Variants in NDST3 observed in about 807,000 individuals in gnomAD.
NDST3 encodes the protein N-deacetylase and N-sulfotransferase 3, also known as bifunctional heparan sulfate N-deacetylase/N-sulfotransferase 3.
Under a neutral mutation model 96.1 loss-of-function variants are expected in NDST3, and 58 were observed. The ratio of observed to expected loss-of-function variants is 0.60; its 90% CI spans 0.49 to 0.75. The LOEUF (loss-of-function observed/expected upper bound fraction) is 0.75, where lower values mean the gene tolerates loss of function less well. Ranked by LOEUF, NDST3 falls within the 30% of genes least tolerant of loss-of-function variation. The pLI, the probability that NDST3 is intolerant of heterozygous loss-of-function variation, is 0.00. For synonymous variants in NDST3, 333 were observed against 359.7 expected, an observed-to-expected ratio of 0.93 and a Z score of 0.84; for missense variants, 788 against 1,034.2, an observed-to-expected ratio of 0.76 and a Z score of 3.27.
intron 2 of NDST3, among the ~76,000 whole-genome samples, chr4:118,070,216 ACT>A (rs1726935998): frequency 6.6e-6 from 1 of 152,100 alleles, no homozygotes; most frequent in South Asian, 2.1e-4. Flanking sequence ...ACCAGTTCTA[ACT>A]CTGTGAAATT....
chr4:118,122,271 T>C (rs1033492457), intron 4 of NDST3, among the ~76,000 whole-genome samples: 2 of 152,280 alleles, frequency 1.3e-5, no homozygotes, highest in Non-Finnish European at 2.9e-5. Flanking sequence ...CCATTCCTGC[T>C]GCTCCCGAAT....
At chr4:118,176,352 A>C (rs1284323430) in intron 6 of NDST3, among the ~76,000 whole-genome samples, 1 of 152,072 alleles carries the variant, frequency 6.6e-6, no homozygotes, top group Non-Finnish European at 1.5e-5. Flanking sequence ...GTTTCTTCTT[A>C]AATTACTTTG....
intron 6 of NDST3, among the ~76,000 whole-genome samples, chr4:118,183,968 G>A (rs1736766251): frequency 6.6e-6 from 1 of 152,170 alleles, no homozygotes; most frequent in African/African-American, 2.4e-5. Flanking sequence ...CAAATGCAAA[G>A]TCCTACCACT....
At chr4:118,068,843 G>T (rs971916985) in intron 2 of NDST3, among the ~76,000 whole-genome samples, 1 of 152,020 alleles carries the variant, frequency 6.6e-6, no homozygotes, top group Non-Finnish European at 1.5e-5. Flanking sequence ...GGTCACAATA[G>T]AATTAATAGT....
Position 118,233,179 on chromosome 4 carries a change from GCA to G in NDST3, c.1943+47_1943+48del, listed in dbSNP as rs3830507. 12 of 1,522,228 alleles carry G rather than the reference GCA, an allele frequency of 7.9e-6. No individual in the cohort carries two copies. In the East Asian group the frequency reaches 2.7e-4, roughly 35 times the overall value. 94.3% of individuals were successfully genotyped at this position (1,522,228 alleles called of 1,614,324 possible). A position where few individuals can be genotyped will look rare whatever the true frequency, so the allele number is the denominator to read the frequency against. ...ATAAATCTAAAAGTATATGTACTGT[GCA>G]CAGTATAAACTTAGCACTAATATTT... On this transcript the variant is annotated intron_variant, in intron 9 of 13. Coordinates refer to ENST00000296499, the MANE Select transcript of NDST3 (RefSeq NM_004784.3).
chr4:118,062,326 C>T (rs1239312554), intron 2 of NDST3, among the ~76,000 whole-genome samples: 2 of 152,126 alleles, frequency 1.3e-5, no homozygotes, highest in Non-Finnish European at 2.9e-5. Flanking sequence ...GCTGCTCACA[C>T]TGGGAAGATT....
intron 2 of NDST3, among the ~76,000 whole-genome samples, chr4:118,074,164 T>A (rs901531622): frequency 6.6e-5 from 10 of 152,200 alleles, no homozygotes; most frequent in Non-Finnish European, 1.0e-4. Flanking sequence ...TCAGTTTTTT[T>A]AAATCTGCTG....
chr4:118,141,781 T>C (rs1320307163), intron 5 of NDST3, among the ~76,000 whole-genome samples: 1 of 152,122 alleles, frequency 6.6e-6, no homozygotes, highest in African/African-American at 2.4e-5. Context: ...CCAATATAGC[T>C]TAAATCCTTC....
At position 118,128,861 on chromosome 4, in the gene NDST3, A is replaced by G. The variant is rs77733738; in HGVS notation, c.1225-9193A>G. Among the ~76,000 whole-genome samples the G allele has an allele frequency of 7.6e-3, 1,150 of 151,968 alleles. 5 individuals carry two copies. Among genetic ancestry groups the G allele is most frequent in the Non-Finnish European group, 0.013 (873 of 67,838 alleles). On this transcript the variant is annotated intron_variant, in intron 4 of 13. Coordinates refer to ENST00000296499, the MANE Select transcript of NDST3 (RefSeq NM_004784.3). ...GACGTTTTATTATGTCTTCAATCTT[A>G]TTACTTATTATTGGTCTTTTCAAGT...
At chr4:118,167,446 T>C (rs916272888) in intron 6 of NDST3, among the ~76,000 whole-genome samples, 1 of 151,946 alleles carries the variant, frequency 6.6e-6, no homozygotes, top group African/African-American at 2.4e-5. Context: ...TCCATGGTCA[T>C]AGATTGGAAG....
chr4:118,115,043 C>G (rs550056550), intron 4 of NDST3, 83 bp downstream of exon 4: 1 of 1,424,534 alleles, frequency 7.0e-7, no homozygotes, highest in South Asian at 1.3e-5. Context: ...CATAGTTGCG[C>G]TTTTCAGTGG....
At chr4:118,155,183 G>A (rs549509375) in intron 6 of NDST3, among the ~76,000 whole-genome samples, 1 of 152,066 alleles carries the variant, frequency 6.6e-6, no homozygotes, top group South Asian at 2.1e-4. Context: ...TATTATTAAT[G>A]TTCTTCATCA....
intron 2 of NDST3, among the ~76,000 whole-genome samples, chr4:118,096,750 G>T (rs1729351478): frequency 6.6e-6 from 1 of 151,824 alleles, no homozygotes; most frequent in South Asian, 2.1e-4. Context: ...GGCTTATGAG[G>T]TTATGGAGGC....
chr4:118,105,040 T>G lies in NDST3; in HGVS notation c.1004T>G (p.Leu335Arg). 1 of 1,613,466 alleles carries G rather than the reference T, an allele frequency of 6.2e-7. No homozygotes were observed. Residue 335 changes from leucine (L) to arginine (R), a missense_variant, in exon 3 of 14, where the codon CTT becomes CGT. Physicochemically the swap from Leu to Arg is moderately radical, Grantham distance 102 (BLOSUM62 -2). Transcript: ENST00000296499. The part of the protein sequence containing the change: ...DVKALLDTQN[L>R]LRAQITNFTF... ...CAGGCCCTGCTTGATACTCAGAATC[T>G]TTTGCGTGCACAAATCACAAATTTT...
intron 6 of NDST3, chr4:118,194,284 G>GCTATCCCAGCGGTGAATTACCCAAA (rs1401532950): frequency 1.4e-6 from 1 of 730,240 alleles, no homozygotes; most frequent in Non-Finnish European, 2.6e-6. Context: ...AGCCTTCACC[G>GCTATCCCAGCGGTGAATTACCCAAA]CAAGTCTGTA....
intron 6 of NDST3, among the ~76,000 whole-genome samples, chr4:118,164,129 G>A (rs10004607): frequency 0.073 from 11,115 of 152,144 alleles, 905 homozygotes; most frequent in African/African-American, 0.2. Flanking sequence ...AAGAAAATGT[G>A]GTACATATAC....
chr4:118,054,877 A>G lies in NDST3; in HGVS notation c.967A>G (p.Thr323Ala), dbSNP rs1353618030. ...GGGAAAAGAGGGAACAAGAATGAACACCAATGATGTAAAGGTAAGGCTCTA... is the reference window on the plus strand; with the variant it reads ...GGGAAAAGAGGGAACAAGAATGAACGCCAATGATGTAAAGGTAAGGCTCTA... Reference protein sequence around the residue: ...FVGKEGTRMNTNDVKALLDTQ... With the variant: ...FVGKEGTRMNANDVKALLDTQ... Residue 323 changes from threonine to alanine, a missense_variant, in exon 2 of 14, where the codon ACC becomes GCC. Transcript: ENST00000296499. 1 of 1,610,800 alleles carries G rather than the reference A, an allele frequency of 6.2e-7. No individual in the cohort carries two copies. Among genetic ancestry groups the G allele is most frequent in the East Asian group, 2.2e-5 (1 of 44,832 alleles).
intron 6 of NDST3, among the ~76,000 whole-genome samples, chr4:118,214,252 T>A (rs1043435077): frequency 1.3e-5 from 2 of 152,100 alleles, no homozygotes; most frequent in Middle Eastern, 3.2e-3. Context: ...GGTAGGGGCA[T>A]TATCATGATG....
rs761063286 is a variant in NDST3, at chr4:118,237,226, G to A, written c.2118+6G>A. On this transcript the variant is annotated splice_donor_region_variant and intron_variant, in intron 10 of 13. Coordinates refer to ENST00000296499, the MANE Select transcript of NDST3 (RefSeq NM_004784.3). ...GAGCATACTCCTGGTACCAGGTAAG[G>A]AAAATGCAAATAAAATCCAACAGGG... 1 of 1,594,624 alleles carries A rather than the reference G, an allele frequency of 6.3e-7. No individual in the cohort carries two copies. The highest frequency in any genetic ancestry group is 1.1e-5 in the South Asian group (1 of 87,432).
Sources: allele counts gnomAD v4.1 joint callset (sites outside exome capture counted in the v4.1 genomes callset), GRCh38; gene constraint gnomAD v4.1.1; transcripts MANE v1.5; gene names NCBI Gene and HGNC (gene_info 2026-07-23, HGNC 2026-07-21).